Variants in IL1RAPL1 observed in about 807,000 individuals in gnomAD.
IL1RAPL1 encodes interleukin-1 receptor accessory protein-like 1.
A neutral mutation model predicts 48.4 loss-of-function variants in IL1RAPL1; 3 were observed. That is an observed-to-expected ratio of 0.06 (90% CI 0.03 to 0.16). The LOEUF (loss-of-function observed/expected upper bound fraction) is 0.16. Ranked by LOEUF, IL1RAPL1 falls within the 10% of genes least tolerant of loss-of-function variation. IL1RAPL1 has a pLI of 1.00. For synonymous variants in IL1RAPL1, 185 were observed against 187.7 expected (o/e 0.99, Z 0.12); for missense variants, 349 against 530.6 (o/e 0.66, Z 3.36).
intron 2 of IL1RAPL1, among the ~76,000 whole-genome samples, chrX:29,046,774 C>T (rs763452360): frequency 8.9e-6 from 1 of 111,818 alleles, no homozygotes; most frequent in Non-Finnish European, 1.9e-5. Flanking sequence ...TCATTGATTT[C>T]GATTGTCCTA....
chrX:29,320,212 T>C (rs947193887), intron 3 of IL1RAPL1, among the ~76,000 whole-genome samples: 2 of 111,908 alleles, frequency 1.8e-5, no homozygotes, highest in African/African-American at 6.5e-5. Context: ...TGTCCTGAAA[T>C]TGGATGCAAA....
rs201839883 is a variant in IL1RAPL1, at chrX:28,795,151, T to TA, written c.82+5734dup. 2.5e-3 allele frequency among the ~76,000 whole-genome samples: 277 copies of TA among 111,043 alleles called. 3 individuals are homozygous for TA. In the East Asian group the frequency reaches 0.051, roughly 20 times the overall value. On this transcript the variant is annotated intron_variant, in intron 2 of 10. Transcript: ENST00000378993. ...ACTTTGTTTCTTTACCTTTTGAAGT[T>TA]AAAAAAAATGCACTTTAATTTTTTC... is the stretch of plus-strand genomic sequence containing the variant.
At chrX:28,592,168 A>G (rs1265339419) in intron 1 of IL1RAPL1, among the ~76,000 whole-genome samples, 4 of 112,095 alleles carry the variant, frequency 3.6e-5, no homozygotes, top group East Asian at 2.8e-4. Context: ...GTCTTAAGTA[A>G]TTAAAAAAAT....
chrX:29,268,915 G>A (rs1225012407), intron 2 of IL1RAPL1, among the ~76,000 whole-genome samples: 1 of 111,853 alleles, frequency 8.9e-6, no homozygotes, highest in East Asian at 2.8e-4. Flanking sequence ...AATATTGTTG[G>A]TTGTCTGAAA....
chrX:29,638,372 G>A (rs1368352570), intron 5 of IL1RAPL1, among the ~76,000 whole-genome samples: 3 of 108,496 alleles, frequency 2.8e-5, no homozygotes, highest in Non-Finnish European at 5.7e-5. Flanking sequence ...CCGGGTTCAA[G>A]CGATTCTCCT....
intron 1 of IL1RAPL1, among the ~76,000 whole-genome samples, chrX:28,713,204 C>T (rs956815264): frequency 1.8e-5 from 2 of 110,054 alleles, no homozygotes; most frequent in African/African-American, 6.6e-5. Context: ...CAGGTGCCCG[C>T]CACCATGCCC....
intron 6 of IL1RAPL1, among the ~76,000 whole-genome samples, chrX:29,676,461 C>T (rs983428191): frequency 1.8e-5 from 2 of 111,576 alleles, no homozygotes; most frequent in African/African-American, 6.5e-5. Flanking sequence ...TCCATCTCCC[C>T]TTTAAGGATT....
At chrX:29,236,529 CTT>C (rs1931300303) in intron 2 of IL1RAPL1, among the ~76,000 whole-genome samples, 1 of 60,352 alleles carries the variant, frequency 1.7e-5, no homozygotes, top group Non-Finnish European at 2.7e-5. Context: ...TTTTTCCTTT[CTT>C]TTTCTTTTTT....
intron 2 of IL1RAPL1, among the ~76,000 whole-genome samples, chrX:29,046,532 T>A: frequency 8.9e-6 from 1 of 111,932 alleles, no homozygotes; most frequent in Non-Finnish European, 1.9e-5. Flanking sequence ...TTTCTAGGTG[T>A]CAAAACCAAG....
At chrX:28,747,262 G>T (rs1470539172) in intron 1 of IL1RAPL1, among the ~76,000 whole-genome samples, 2 of 111,019 alleles carry the variant, frequency 1.8e-5, no homozygotes, top group African/African-American at 3.3e-5. Context: ...CTTCTTTCTG[G>T]TTCAAATTTC....
intron 3 of IL1RAPL1, among the ~76,000 whole-genome samples, chrX:29,327,734 C>A (rs1369896717): frequency 9.2e-6 from 1 of 108,312 alleles, no homozygotes; most frequent in South Asian, 4.1e-4. Context: ...CCAGTATTAA[C>A]ATGGTTTTTA....
chrX:29,811,663 A>G (rs941284326), intron 6 of IL1RAPL1, among the ~76,000 whole-genome samples: 7 of 111,351 alleles, frequency 6.3e-5, no homozygotes, highest in African/African-American at 2.3e-4. Flanking sequence ...GAGCACAAGA[A>G]AACTTTTGGA....
chrX:28,731,947 G>A (rs775956345), intron 1 of IL1RAPL1, among the ~76,000 whole-genome samples: 1 of 111,609 alleles, frequency 9.0e-6, no homozygotes, highest in Admixed American at 9.6e-5. Context: ...AGAAAACTGG[G>A]GCAAGAATCA....
intron 3 of IL1RAPL1, among the ~76,000 whole-genome samples, chrX:29,326,722 C>T (rs7054345): frequency 1.8e-5 from 2 of 111,456 alleles, no homozygotes; most frequent in South Asian, 3.8e-4. Context: ...TTTTCTCATT[C>T]GCACAATGAC....
chrX:29,586,552 A>AT (rs903944398), intron 5 of IL1RAPL1, among the ~76,000 whole-genome samples: 1 of 111,383 alleles, frequency 9.0e-6, no homozygotes, highest in South Asian at 3.7e-4. Context: ...GAATTGTAGA[A>AT]TTTTTTTTAC....
At chrX:29,782,570 G>A (rs1372106256) in intron 6 of IL1RAPL1, among the ~76,000 whole-genome samples, 1 of 111,256 alleles carries the variant, frequency 9.0e-6, no homozygotes, top group African/African-American at 3.3e-5. Flanking sequence ...AATTAAAATG[G>A]AAGGGGATGA....
At chrX:29,725,208 C>T (rs1927744470) in intron 6 of IL1RAPL1, among the ~76,000 whole-genome samples, 1 of 111,222 alleles carries the variant, frequency 9.0e-6, no homozygotes. Context: ...CCTTATCCAA[C>T]AGAGGAAAAA....
At chrX:29,824,904 GTT>G (rs758222398) in intron 6 of IL1RAPL1, among the ~76,000 whole-genome samples, 2 of 92,432 alleles carry the variant, frequency 2.2e-5, no homozygotes, top group African/African-American at 3.9e-5. Flanking sequence ...ACCAGAACAT[GTT>G]TTTTTTTTTT....
At chrX:29,360,864 C>T (rs902951700) in intron 3 of IL1RAPL1, among the ~76,000 whole-genome samples, 6 of 111,988 alleles carry the variant, frequency 5.4e-5, no homozygotes, top group Middle Eastern at 9.3e-3. Flanking sequence ...GATCTTTCAT[C>T]TTTTCCTTGA....
Sources: allele counts gnomAD v4.1 joint callset (sites outside exome capture counted in the v4.1 genomes callset), GRCh38; gene constraint gnomAD v4.1.1; transcripts MANE v1.5; gene names NCBI Gene and HGNC (gene_info 2026-07-23, HGNC 2026-07-21).